The following YME1L1 variants were observed in gnomAD, a reference collection of about 807,000 sequenced individuals.
YME1L1 encodes the protein ATP-dependent zinc metalloprotease YME1L1.
YME1L1 carries 39 observed loss-of-function variants against 90.4 expected under a neutral mutation model. The ratio of observed to expected loss-of-function variants is 0.43; its 90% CI spans 0.33 to 0.56. The LOEUF is 0.56. YME1L1 is among the 20% of genes least tolerant of loss of function. The pLI is 0.03. For missense variants in YME1L1, 617 were observed against 868.4 expected (o/e 0.71, Z 3.64); for synonymous variants, 284 against 287.3 (o/e 0.99, Z 0.12).
intron 9 of YME1L1, 75 bp downstream of exon 9, chr10:27,126,620 GT>G: frequency 1.4e-6 from 1 of 732,202 alleles, no homozygotes; most frequent in Non-Finnish European, 2.2e-6. Context: ...AATTAAATAA[GT>G]AATATAGGTT....
At chr10:27,153,192 A>G (rs57671772) in intron 1 of YME1L1, 46,346 of 470,736 alleles carry the variant, frequency 0.098, 2,910 homozygotes, top group East Asian at 0.29. Context: ...CTTCATATCA[A>G]TATTAAGAGA....
At chr10:27,132,785 A>G (rs1400308956) in intron 7 of YME1L1, among the ~76,000 whole-genome samples, 1 of 152,116 alleles carries the variant, frequency 6.6e-6, no homozygotes, top group African/African-American at 2.4e-5. Flanking sequence ...GCCCCACTGC[A>G]CTCCAGCCTG....
At chr10:27,128,430 T>C (rs1226705200) in intron 8 of YME1L1, among the ~76,000 whole-genome samples, 2 of 152,142 alleles carry the variant, frequency 1.3e-5, no homozygotes, top group East Asian at 3.8e-4. Flanking sequence ...TTTAGTTTAG[T>C]ACTCAGAAAT....
Position 27,131,895 on chromosome 10 carries a change from G to C in YME1L1, c.822C>G (p.Val274=), listed in dbSNP as rs538552104. ...TTGLDSAVDP[V]QMKNVTFEHV... is the part of the protein sequence containing the mutation. Reference sequence around the variant, plus strand: ...GTTCAAAGGTGACATTTTTCATCTGGACAGGATCTACTGCAGAATCAAGCC... The same window carrying C: ...GTTCAAAGGTGACATTTTTCATCTGCACAGGATCTACTGCAGAATCAAGCC... Residue 274 remains valine (V), a synonymous_variant, in exon 8 of 19, where the codon GTC becomes GTG. Coordinates refer to ENST00000376016, the MANE Select transcript of YME1L1 (RefSeq NM_014263.4). The C allele has an allele frequency of 1.2e-6, 2 of 1,613,048 alleles. No homozygotes were observed. Among genetic ancestry groups the C allele is most frequent in the East Asian group, 4.5e-5 (2 of 44,858 alleles).
At chr10:27,141,263 G>A (rs1019187384) in intron 4 of YME1L1, among the ~76,000 whole-genome samples, 1 of 152,086 alleles carries the variant, frequency 6.6e-6, no homozygotes, top group African/African-American at 2.4e-5. Flanking sequence ...GGGCCTGGTG[G>A]TGGGAACCTG....
intron 6 of YME1L1, among the ~76,000 whole-genome samples, chr10:27,134,389 GC>G (rs2057005502): frequency 6.6e-6 from 1 of 152,118 alleles, no homozygotes; most frequent in African/African-American, 2.4e-5. Context: ...TTCAAGACCA[GC>G]CTGGACAACA....
intron 4 of YME1L1, among the ~76,000 whole-genome samples, chr10:27,136,857 A>G (rs889527182): frequency 6.1e-4 from 93 of 152,090 alleles, no homozygotes; most frequent in African/African-American, 2.2e-3. Flanking sequence ...TCCTAACCTC[A>G]GGTGATCCAC....
At chr10:27,127,196 T>C (rs1226975958) in intron 8 of YME1L1, among the ~76,000 whole-genome samples, 1 of 152,252 alleles carries the variant, frequency 6.6e-6, no homozygotes, top group African/African-American at 2.4e-5. Context: ...TTCCCAGGCA[T>C]ATTTCCAGGA....
intron 8 of YME1L1, among the ~76,000 whole-genome samples, chr10:27,127,124 G>A (rs1262060976): frequency 6.6e-6 from 1 of 152,154 alleles, no homozygotes; most frequent in African/African-American, 2.4e-5. Flanking sequence ...ATAGCTTCAC[G>A]CCAAAGGGCA....
chr10:27,121,860 T>C (rs1193551650), intron 11 of YME1L1, among the ~76,000 whole-genome samples: 1 of 151,684 alleles, frequency 6.6e-6, no homozygotes, highest in African/African-American at 2.4e-5. Flanking sequence ...CTCAGCTTCC[T>C]GAGTAGCCAG....
rs1358525051 is a variant in YME1L1 at position 27,148,925 on chromosome 10, T to G, written c.149A>C (p.His50Pro). Residue 50 changes from histidine to proline, a missense_variant, in exon 2 of 19, where the codon CAT (histidine) becomes CCT (proline). His to Pro is a moderately conservative substitution (Grantham distance 77). This residue lies in a region of YME1L1 where 311 missense variants were observed against 335.8 expected (regional missense o/e 0.93). Transcript: ENST00000376016. The part of the protein sequence containing the change: ...QNQHRDVVPE[H>P]EAPSSEPSLN... ...ACTTACCTCACTGCTGGGAGCCTCA[T>G]GCTCAGGAACTACATCTCGATGCTG... The G allele has an allele frequency of 6.2e-7, 1 of 1,613,970 alleles. No homozygotes were observed. Among genetic ancestry groups the G allele is most frequent in the South Asian group, 1.1e-5 (1 of 91,040 alleles).
rs1158561830 is a variant in YME1L1, at chr10:27,154,190, C to T, written c.21G>A (p.Thr7=). The T allele has an allele frequency of 1.3e-6, 2 of 1,591,520 alleles. No homozygotes were observed. Among genetic ancestry groups the T allele is most frequent in the South Asian group, 2.3e-5 (2 of 87,788 alleles). MFSLSS[T]VQPQVTVPLS... ...ATGCCTGGCTTACCTGGGGTTGCAC[C>T]GTGCTCGACAAGGAAAACATCTCCG... The change falls in exon 1 of 19, where the codon ACG becomes ACA. Residue 7 remains threonine, a synonymous_variant. Transcript: ENST00000376016.
chr10:27,130,829 G>A (rs1034079187), intron 8 of YME1L1, among the ~76,000 whole-genome samples: 22 of 152,182 alleles, frequency 1.4e-4, no homozygotes, highest in Non-Finnish European at 1.6e-4. Context: ...CGCCAGCTTG[G>A]GCAACAATAG....
At chr10:27,136,087 TA>T (rs2057024039) in intron 5 of YME1L1, among the ~76,000 whole-genome samples, 188 bp downstream of exon 5, 1 of 152,134 alleles carries the variant, frequency 6.6e-6, no homozygotes, top group African/African-American at 2.4e-5. Flanking sequence ...AAAAATCTAG[TA>T]AGTGGAGAGG....
At chr10:27,112,419 T>C (rs1268495182) in intron 18 of YME1L1, among the ~76,000 whole-genome samples, 1 of 152,174 alleles carries the variant, frequency 6.6e-6, no homozygotes, top group Admixed American at 6.5e-5. Flanking sequence ...TCTACTTCCT[T>C]GAAATAATCA....
intron 5 of YME1L1, among the ~76,000 whole-genome samples, chr10:27,135,719 T>C (rs1268341027): frequency 2.0e-5 from 3 of 152,130 alleles, no homozygotes; most frequent in Non-Finnish European, 2.9e-5. Context: ...AATGATGAAA[T>C]TCCCAGTGTA....
chr10:27,119,129 A>G (rs189702845), intron 14 of YME1L1, among the ~76,000 whole-genome samples, 165 bp downstream of exon 14: 1 of 152,348 alleles, frequency 6.6e-6, no homozygotes, highest in African/African-American at 2.4e-5. Flanking sequence ...GGAATTTTGT[A>G]AAATCATTTA....
intron 1 of YME1L1, among the ~76,000 whole-genome samples, chr10:27,149,517 C>A (rs112033406): frequency 0.061 from 9,255 of 151,714 alleles, 300 homozygotes; most frequent in African/African-American, 0.084. Context: ...CAAGACCAGC[C>A]TGACCAACAC....
In YME1L1 at chr10:27,116,249, G is replaced by A; in HGVS notation, c.1816C>T (p.Leu606Phe). ...VSMGGRVAEE[L>F]IFGTDHITTG... The stretch of plus-strand genomic sequence containing the variant: ...GTAATATGGTCGGTTCCAAATATAA[G>A]CTCCTCTGCCACTCTTCCTCCCATA... Residue 606 changes from leucine to phenylalanine, a missense_variant, in exon 16 of 19, where the codon CTT (leucine) becomes TTT (phenylalanine). Coordinates refer to ENST00000376016, the MANE Select transcript of YME1L1 (RefSeq NM_014263.4). 6.2e-7 allele frequency: 1 copy of A among 1,614,152 alleles called. No individual in the cohort carries two copies. Among genetic ancestry groups the A allele is most frequent in the Non-Finnish European group, 8.5e-7 (1 of 1,180,036 alleles).
Sources: allele counts gnomAD v4.1 joint callset (sites outside exome capture counted in the v4.1 genomes callset), GRCh38; gene constraint gnomAD v4.1.1; regional missense constraint gnomAD v4.1.1; transcripts MANE v1.5; gene names NCBI Gene and HGNC (gene_info 2026-07-23, HGNC 2026-07-21).